Variants in TRPC4 observed in about 807,000 individuals in gnomAD.
The protein encoded by TRPC4 is transient receptor potential cation channel subfamily C member 4, also known as short transient receptor potential channel 4.
TRPC4 carries 49 observed loss-of-function variants against 99.4 expected under a neutral mutation model. The observed-to-expected ratio is 0.49, with a 90% CI of 0.39 to 0.63. The LOEUF is 0.63. Ranked by LOEUF, TRPC4 falls within the 20% of genes least tolerant of loss-of-function variation. The pLI, the probability that TRPC4 is intolerant of heterozygous loss-of-function variation, is 0.00. For missense variants in TRPC4, 898 were observed against 1,152.9 expected (o/e 0.78, Z 3.20); for synonymous variants, 454 against 425.9 (o/e 1.07, Z -0.81).
At chr13:37,851,327 T>C (rs1485672076) in intron 1 of TRPC4, among the ~76,000 whole-genome samples, 1 of 152,100 alleles carries the variant, frequency 6.6e-6, no homozygotes, top group Non-Finnish European at 1.5e-5. Flanking sequence ...TTTTTCACTT[T>C]TAAATAAAAA....
intron 6 of TRPC4, among the ~76,000 whole-genome samples, chr13:37,660,021 G>A (rs1952375663): frequency 6.6e-6 from 1 of 152,140 alleles, no homozygotes; most frequent in African/African-American, 2.4e-5. Context: ...ATAGAAATTG[G>A]TGCTAGTAAT....
chr13:37,807,114 C>T (rs1313657838), intron 1 of TRPC4, among the ~76,000 whole-genome samples: 1 of 151,978 alleles, frequency 6.6e-6, no homozygotes, highest in Non-Finnish European at 1.5e-5. Context: ...CTTTCCCTGC[C>T]CTCTCTCTAT....
chr13:37,797,526 A>G (rs1277340280), intron 1 of TRPC4, among the ~76,000 whole-genome samples: 1 of 152,206 alleles, frequency 6.6e-6, no homozygotes, highest in Non-Finnish European at 1.5e-5. Context: ...CGAAAAAAGT[A>G]GAAGATATAA....
chr13:37,759,452 TA>T (rs957227177), intron 2 of TRPC4, among the ~76,000 whole-genome samples: 2 of 151,760 alleles, frequency 1.3e-5, no homozygotes, highest in African/African-American at 4.8e-5. Context: ...TACATAAAGT[TA>T]AAAAAATAAG....
At chr13:37,655,670 T>C (rs1489574830) in intron 6 of TRPC4, among the ~76,000 whole-genome samples, 2 of 152,128 alleles carry the variant, frequency 1.3e-5, no homozygotes, top group African/African-American at 4.8e-5. Flanking sequence ...CACATCTCTA[T>C]ATCCATAAAT....
Position 37,651,301 on chromosome 13 carries a change from C to G in TRPC4, c.2043G>C (p.Lys681Asn), listed in dbSNP as rs779110977. 2 of 1,614,128 alleles carry G rather than the reference C, an allele frequency of 1.2e-6. No homozygotes were observed. The highest frequency in any genetic ancestry group is 2.2e-5 in the South Asian group (2 of 91,082). ...CAAAACTTTCTGGCTTTCTTCTCAT[C>G]TTTTTCTTGCACAAGTGTGTCCAGA... ...KWIWTHLCKK[K>N]MRRKPESFGT... Residue 681 changes from lysine to asparagine, a missense_variant, in exon 8 of 11, where the codon AAG (lysine) becomes AAC (asparagine). Around this residue, in one of 3 missense-constraint regions of TRPC4, gnomAD observed 346 missense variants for 351.4 expected, o/e 0.98. Coordinates refer to ENST00000379705, the MANE Select transcript of TRPC4 (RefSeq NM_016179.4).
chr13:37,674,450 C>T lies in TRPC4; in HGVS notation c.1235-83G>A. The stretch of plus-strand genomic sequence containing the variant: ...AATATACAATTTAACAATTATAGAT[C>T]TCGAAGCTACAAGAGACCACATTGT... On this transcript the variant is annotated intron_variant, in intron 4 of 10. Transcript: ENST00000379705. 4.8e-6 allele frequency: 7 copies of T among 1,452,362 alleles called. No individual in the cohort carries two copies. In the South Asian group the frequency reaches 9.6e-5, roughly 20 times the overall value. The allele number at this position is 1,452,362 out of a possible 1,614,324, so 90.0% of individuals were successfully genotyped here. A position where few individuals can be genotyped will look rare whatever the true frequency, so the allele number is the denominator to read the frequency against.
intron 1 of TRPC4, among the ~76,000 whole-genome samples, chr13:37,865,112 G>A (rs1959650228): frequency 6.6e-6 from 1 of 151,728 alleles, no homozygotes; most frequent in Non-Finnish European, 1.5e-5. Flanking sequence ...GCATATATAT[G>A]TTTAGTAAAT....
intron 1 of TRPC4, among the ~76,000 whole-genome samples, chr13:37,783,927 C>T (rs564862624): frequency 2.0e-5 from 3 of 151,882 alleles, no homozygotes; most frequent in Non-Finnish European, 2.9e-5. Context: ...AGGCTGGTCT[C>T]GAACTCCTGG....
chr13:37,843,706 G>A lies in TRPC4; in HGVS notation c.-28+25889C>T, dbSNP rs12875968. ...GACACACACACACACACACACACACGCACACATACACACATGCACACACAG... is the reference window on the plus strand; with the variant it reads ...GACACACACACACACACACACACACACACACATACACACATGCACACACAG... On this transcript the variant is annotated intron_variant, in intron 1 of 10. Coordinates refer to ENST00000379705, the MANE Select transcript of TRPC4 (RefSeq NM_016179.4). 3.1e-3 allele frequency among the ~76,000 whole-genome samples: 252 copies of A among 80,402 alleles called. 1 individual carries two copies. Among genetic ancestry groups the A allele is most frequent in the African/African-American group, 0.014 (244 of 17,326 alleles). The allele number at this position is 80,402 out of a possible 152,430, so 52.7% of individuals were successfully genotyped here.
chr13:37,681,796 AAGAC>A (rs1236752734), intron 4 of TRPC4, among the ~76,000 whole-genome samples: 1 of 152,216 alleles, frequency 6.6e-6, no homozygotes, highest in Non-Finnish European at 1.5e-5. Context: ...TTATAAACAG[AAGAC>A]ATGATTTCTC....
chr13:37,703,012 C>G (rs534964614), intron 3 of TRPC4, among the ~76,000 whole-genome samples: 2 of 152,140 alleles, frequency 1.3e-5, no homozygotes, highest in South Asian at 4.1e-4. Context: ...GGTCATAAAG[C>G]TTTAATGTAG....
intron 1 of TRPC4, among the ~76,000 whole-genome samples, chr13:37,824,947 T>A (rs946374749): frequency 1.1e-4 from 17 of 152,068 alleles, no homozygotes; most frequent in Admixed American, 2.0e-4. Flanking sequence ...CCACAATTTC[T>A]GATCCTGTTA....
intron 2 of TRPC4, among the ~76,000 whole-genome samples, chr13:37,768,389 C>T (rs1208611943): frequency 6.6e-6 from 1 of 151,370 alleles, no homozygotes; most frequent in African/African-American, 2.4e-5. Flanking sequence ...GCAGGGCTTT[C>T]CAGGCAAAAG....
In TRPC4 at chr13:37,634,066, C is replaced by T. The variant is rs1303317709; in HGVS notation, c.*2837G>A. On this transcript the variant is annotated 3_prime_UTR_variant, in exon 11 of 11. Coordinates refer to ENST00000379705, the MANE Select transcript of TRPC4 (RefSeq NM_016179.4). ...CACACTCCTTCACCTAACTCAGACA[C>T]AAAATTTAAGAAAAACAGATTTTTT... Among the ~76,000 whole-genome samples the T allele has an allele frequency of 2.6e-5, 4 of 151,810 alleles. No homozygotes were observed. The highest frequency in any genetic ancestry group is 4.4e-5 in the Non-Finnish European group (3 of 67,918).
At chr13:37,715,953 C>T (rs1162472708) in intron 3 of TRPC4, among the ~76,000 whole-genome samples, 3 of 152,162 alleles carry the variant, frequency 2.0e-5, no homozygotes, top group Admixed American at 2.0e-4. Flanking sequence ...TGGGAATGTG[C>T]CTCAGTGCCC....
chr13:37,816,929 C>A (rs191849690), intron 1 of TRPC4, among the ~76,000 whole-genome samples: 22 of 151,876 alleles, frequency 1.4e-4, no homozygotes, highest in African/African-American at 5.1e-4. Context: ...CTAAATGGCA[C>A]AAGCTGGAAA....
intron 1 of TRPC4, among the ~76,000 whole-genome samples, chr13:37,864,147 G>T (rs1386023390): frequency 6.6e-6 from 1 of 151,596 alleles, no homozygotes; most frequent in African/African-American, 2.4e-5. Flanking sequence ...TCAAGTCTTT[G>T]AAATGCACTC....
intron 3 of TRPC4, among the ~76,000 whole-genome samples, chr13:37,716,851 T>C (rs1314248967): frequency 6.6e-6 from 1 of 152,188 alleles, no homozygotes; most frequent in Non-Finnish European, 1.5e-5. Flanking sequence ...TTTATTTTCC[T>C]CATAGCTGCT....
Sources: allele counts gnomAD v4.1 joint callset (sites outside exome capture counted in the v4.1 genomes callset), GRCh38; gene constraint gnomAD v4.1.1; regional missense constraint gnomAD v4.1.1; transcripts MANE v1.5; gene names NCBI Gene and HGNC (gene_info 2026-07-23, HGNC 2026-07-21).